Variants in OXR1 observed in about 807,000 individuals in gnomAD.
The protein encoded by OXR1 is oxidation resistance 1.
OXR1 carries 41 observed loss-of-function variants against 104.6 expected under a neutral mutation model. The observed-to-expected ratio is 0.39, with a 90% CI of 0.31 to 0.51. The LOEUF is 0.51. OXR1 is among the 20% of genes least tolerant of loss of function. The pLI is 0.77. For synonymous variants in OXR1, 348 were observed against 348.4 expected (o/e 1.00, Z 0.01); for missense variants, 955 against 1,031.9 (o/e 0.93, Z 1.02).
At chr8:106,402,824 C>CT (rs1382552098) in intron 2 of OXR1, among the ~76,000 whole-genome samples, 2 of 151,856 alleles carry the variant, frequency 1.3e-5, no homozygotes, top group South Asian at 2.1e-4. Flanking sequence ...TCTTTCTTTT[C>CT]TTTTTTTTCT....
chr8:106,678,869 T>C (rs1377839765), intron 3 of OXR1, among the ~76,000 whole-genome samples: 2 of 152,070 alleles, frequency 1.3e-5, no homozygotes, highest in African/African-American at 4.8e-5. Flanking sequence ...ATTTTAAAAA[T>C]ATATAATGTA....
intron 1 of OXR1, among the ~76,000 whole-genome samples, chr8:106,348,927 C>G (rs1388007765): frequency 6.6e-6 from 1 of 152,128 alleles, no homozygotes; most frequent in Non-Finnish European, 1.5e-5. Flanking sequence ...CAGAGGTTTT[C>G]TAAATAAGAA....
chr8:106,739,220 C>CA (rs1834696189), intron 12 of OXR1, among the ~76,000 whole-genome samples: 1 of 152,042 alleles, frequency 6.6e-6, no homozygotes, highest in East Asian at 1.9e-4. Context: ...TCATTCCTAC[C>CA]AGTCGTTCCT....
At chr8:106,301,773 A>G (rs920800991) in intron 1 of OXR1, among the ~76,000 whole-genome samples, 12 of 152,246 alleles carry the variant, frequency 7.9e-5, no homozygotes, top group East Asian at 1.9e-4. Context: ...CAAGATTTAT[A>G]GAGATATTCT....
intron 8 of OXR1, among the ~76,000 whole-genome samples, chr8:106,704,867 GA>G (rs1830993911): frequency 6.6e-6 from 1 of 151,998 alleles, no homozygotes; most frequent in Non-Finnish European, 1.5e-5. Flanking sequence ...TATTTCTTCA[GA>G]AAGAAATATC....
chr8:106,454,460 CAA>C (rs954067249), intron 2 of OXR1, among the ~76,000 whole-genome samples: 6 of 63,630 alleles, frequency 9.4e-5, no homozygotes, highest in Non-Finnish European at 6.8e-5. Context: ...GACTCTGTCT[CAA>C]AAAAAAAAAA....
intron 4 of OXR1, among the ~76,000 whole-genome samples, chr8:106,680,216 A>G (rs1828013351): frequency 6.6e-6 from 1 of 152,128 alleles, no homozygotes; most frequent in Non-Finnish European, 1.5e-5. Flanking sequence ...AAAATTTACT[A>G]ATATCAAGAT....
At chr8:106,304,382 T>G (rs1394684498) in intron 1 of OXR1, among the ~76,000 whole-genome samples, 1 of 152,196 alleles carries the variant, frequency 6.6e-6, no homozygotes, top group Non-Finnish European at 1.5e-5. Context: ...GACATATCAT[T>G]GTGCATTTTA....
At chr8:106,459,667 G>C (rs1490555368) in intron 2 of OXR1, among the ~76,000 whole-genome samples, 2 of 152,108 alleles carry the variant, frequency 1.3e-5, no homozygotes, top group African/African-American at 4.8e-5. Flanking sequence ...CTCTTCATTA[G>C]AAGGAAGGCA....
Position 106,679,222 on chromosome 8 carries a change from A to T in OXR1, c.233A>T (p.Lys78Met). The change falls in exon 4 of 17, where the codon AAG becomes ATG. Residue 78 changes from lysine (K) to methionine (M), a missense_variant. Physicochemically the swap from Lys to Met is moderately conservative, Grantham distance 95. Around this residue, in one of 2 missense-constraint regions of OXR1, gnomAD observed 849 missense variants for 852.9 expected, o/e 1.00. Coordinates refer to ENST00000517566, the MANE Select transcript of OXR1 (RefSeq NM_001198533.2). ...KRFYTIDTGQKKTLDKKDGRR... is the reference protein window; with the variant it reads ...KRFYTIDTGQMKTLDKKDGRR... The stretch of plus-strand genomic sequence containing the variant: ...CTTTTTTTCCCAGACACTGGCCAAA[A>T]GAAGACCCTAGACAAGAAAGATGGA... 1 of 1,608,516 alleles carries T rather than the reference A, an allele frequency of 6.2e-7. No individual in the cohort carries two copies. Among genetic ancestry groups the T allele is most frequent in the Non-Finnish European group, 8.5e-7 (1 of 1,175,922 alleles).
intron 2 of OXR1, among the ~76,000 whole-genome samples, chr8:106,431,624 C>T (rs564188688): frequency 6.6e-6 from 1 of 152,208 alleles, no homozygotes. Flanking sequence ...TCTTTCTCTC[C>T]CAGGATATAA....
At chr8:106,666,489 G>T (rs1826347752) in intron 3 of OXR1, among the ~76,000 whole-genome samples, 1 of 152,180 alleles carries the variant, frequency 6.6e-6, no homozygotes, top group East Asian at 1.9e-4. Context: ...CAATAAGACA[G>T]ACTTTATTCA....
chr8:106,442,042 CTG>C (rs1819807892), intron 2 of OXR1, among the ~76,000 whole-genome samples: 1 of 152,132 alleles, frequency 6.6e-6, no homozygotes, highest in African/African-American at 2.4e-5. Flanking sequence ...ATGATATTGG[CTG>C]TGTGTTTGTC....
At chr8:106,281,481 G>A (rs1237732342) in intron 1 of OXR1, among the ~76,000 whole-genome samples, 5 of 152,116 alleles carry the variant, frequency 3.3e-5, no homozygotes, top group African/African-American at 4.8e-5. Context: ...GAAAACGTTC[G>A]GACAATGTAA....
chr8:106,359,479 C>T lies in OXR1; in HGVS notation c.-135C>T. The T allele has an allele frequency of 1.5e-6, 1 of 677,986 alleles. No homozygotes were observed. Among genetic ancestry groups the T allele is most frequent in the Non-Finnish European group, 2.7e-6 (1 of 371,614 alleles). 42.0% of individuals were successfully genotyped at this position (677,986 alleles called of 1,614,324 possible). A position where few individuals can be genotyped will look rare whatever the true frequency, so the allele number is the denominator to read the frequency against. On this transcript the variant is annotated 5_prime_UTR_variant, in exon 2 of 17. Transcript: ENST00000517566. ...CATTTATTTCTTTTCTTTATAGGTC[C>T]TCTCAAACTGTGAGTAACTAAGTGG...
At chr8:106,487,243 C>G (rs534435963) in intron 2 of OXR1, among the ~76,000 whole-genome samples, 5 of 151,230 alleles carry the variant, frequency 3.3e-5, no homozygotes, top group African/African-American at 9.7e-5. Context: ...AGGCTAGTCT[C>G]GAACTCCTGA....
intron 11 of OXR1, among the ~76,000 whole-genome samples, chr8:106,730,459 GTCATATAGTTGGAA>G (rs56946237): frequency 0.12 from 18,723 of 151,740 alleles, 1,457 homozygotes; most frequent in East Asian, 0.34. Flanking sequence ...TTTGCAGAGT[GTCATATAGTTGGAA>G]TCATATAGTA....
At chr8:106,694,778 CAT>C (rs1829750321) in intron 7 of OXR1, among the ~76,000 whole-genome samples, 1 of 86,610 alleles carries the variant, frequency 1.2e-5, no homozygotes, top group Non-Finnish European at 2.2e-5. Context: ...TAGATAAATA[CAT>C]ATATATTTAA....
intron 3 of OXR1, among the ~76,000 whole-genome samples, chr8:106,626,549 T>C (rs964149002): frequency 6.6e-6 from 1 of 150,692 alleles, no homozygotes; most frequent in Non-Finnish European, 1.5e-5. Context: ...ATTAAATCCA[T>C]GTTGTAAATT....
Sources: gnomAD v4.1 joint callset for allele counts (sites outside exome capture counted in the v4.1 genomes callset) on GRCh38, gnomAD v4.1.1 for gene constraint, gnomAD v4.1.1 regional missense constraint, MANE v1.5 for transcripts, NCBI Gene and HGNC (gene_info 2026-07-23, HGNC 2026-07-21) for gene names.